The following CNOT2 variants were observed in gnomAD, a reference collection of about 807,000 sequenced individuals.
CNOT2 encodes the protein CC chemokine receptor 4-negative regulator of transcription 2.
In CNOT2, 7 loss-of-function variants were observed where a neutral mutation model predicts 72.1. The observed-to-expected ratio is 0.10, with a 90% CI of 0.06 to 0.18. The LOEUF (loss-of-function observed/expected upper bound fraction) is 0.18, where lower values mean the gene tolerates loss of function less well. CNOT2 is among the 10% of genes least tolerant of loss of function. CNOT2 has a pLI of 1.00. For synonymous variants in CNOT2, 196 were observed against 225.6 expected (o/e 0.87, Z 1.17); for missense variants, 345 against 660.3 (o/e 0.52, Z 5.23).
intron 1 of CNOT2, among the ~76,000 whole-genome samples, chr12:70,250,766 T>C (rs904562286): frequency 6.6e-6 from 1 of 152,114 alleles, no homozygotes; most frequent in African/African-American, 2.4e-5. Flanking sequence ...GGGTCAAGTT[T>C]TGTATGTTTG....
At chr12:70,287,665 C>G (rs1871141420) in intron 2 of CNOT2, among the ~76,000 whole-genome samples, 1 of 149,774 alleles carries the variant, frequency 6.7e-6, no homozygotes, top group South Asian at 2.2e-4. Flanking sequence ...TCATTTATCC[C>G]TTTGTTTAGA....
At chr12:70,305,810 G>A (rs1222005580) in intron 2 of CNOT2, among the ~76,000 whole-genome samples, 2 of 148,184 alleles carry the variant, frequency 1.3e-5, no homozygotes, top group East Asian at 4.0e-4. Context: ...CATTCATCCT[G>A]CCTGTATCAG....
intron 2 of CNOT2, among the ~76,000 whole-genome samples, chr12:70,294,794 C>T (rs957567081): frequency 2.0e-5 from 3 of 152,162 alleles, no homozygotes; most frequent in Non-Finnish European, 4.4e-5. Flanking sequence ...AAATTTCAAA[C>T]ATCTTTTTCC....
At chr12:70,293,274 C>T (rs1872243868) in intron 2 of CNOT2, among the ~76,000 whole-genome samples, 1 of 151,826 alleles carries the variant, frequency 6.6e-6, no homozygotes, top group Non-Finnish European at 1.5e-5. Context: ...GATTCTCCTG[C>T]CTCCGCCTCC....
At chr12:70,253,072 G>A (rs1383374690) in intron 1 of CNOT2, among the ~76,000 whole-genome samples, 1 of 152,206 alleles carries the variant, frequency 6.6e-6, no homozygotes, top group Non-Finnish European at 1.5e-5. Flanking sequence ...GAAGTAAGAT[G>A]TGTAATATTT....
chr12:70,346,131 A>G (rs763898749), intron 14 of CNOT2, 49 bp from the exon 15 acceptor site: 5 of 1,292,250 alleles, frequency 3.9e-6, no homozygotes, highest in Non-Finnish European at 5.5e-6. Context: ...AACATGTTTG[A>G]TGTAAGCCAC....
At chr12:70,264,613 G>A (rs1335000921) in intron 1 of CNOT2, among the ~76,000 whole-genome samples, 1 of 152,122 alleles carries the variant, frequency 6.6e-6, no homozygotes. Flanking sequence ...TTTTGAGGCT[G>A]GTGGCAGAAG....
intron 1 of CNOT2, among the ~76,000 whole-genome samples, chr12:70,252,692 C>T (rs141312540): frequency 6.6e-5 from 10 of 152,102 alleles, no homozygotes; most frequent in African/African-American, 2.2e-4. Flanking sequence ...ATGGAATCAC[C>T]GTTGTACTGT....
At chr12:70,303,711 C>T (rs1002517225) in intron 2 of CNOT2, among the ~76,000 whole-genome samples, 13 of 152,092 alleles carry the variant, frequency 8.5e-5, no homozygotes, top group African/African-American at 2.4e-4. Context: ...TTGCTCTTCT[C>T]GAGGAGTATC....
intron 15 of CNOT2, among the ~76,000 whole-genome samples, chr12:70,347,151 C>T (rs1177597435): frequency 6.6e-6 from 1 of 151,990 alleles, no homozygotes; most frequent in African/African-American, 2.4e-5. Flanking sequence ...TAAATTTAAA[C>T]AGCAGAAAAA....
intron 1 of CNOT2, among the ~76,000 whole-genome samples, chr12:70,277,477 A>G (rs989999074): frequency 1.3e-5 from 2 of 152,174 alleles, no homozygotes. Flanking sequence ...AATGTAAAAA[A>G]GTGAATTCCC....
intron 1 of CNOT2, among the ~76,000 whole-genome samples, chr12:70,276,487 A>G (rs1868832964): frequency 1.3e-5 from 2 of 152,010 alleles, no homozygotes; most frequent in African/African-American, 2.4e-5. Context: ...ACAATTTAAT[A>G]TTATACAACA....
chr12:70,255,765 CAGTT>C (rs961915778), intron 1 of CNOT2, among the ~76,000 whole-genome samples: 4 of 152,152 alleles, frequency 2.6e-5, no homozygotes, highest in African/African-American at 7.2e-5. Flanking sequence ...CCTAAATCCT[CAGTT>C]AGTTTGCTAT....
At chr12:70,287,814 C>T (rs2135849996) in intron 2 of CNOT2, among the ~76,000 whole-genome samples, 1 of 149,552 alleles carries the variant, frequency 6.7e-6, no homozygotes, top group East Asian at 2.0e-4. Context: ...GCCTTGTTTC[C>T]TTGTGTGTAT....
Position 70,354,202 on chromosome 12 carries a change from A to G in CNOT2, c.*287A>G. 1 of 375,604 alleles carries G rather than the reference A, an allele frequency of 2.7e-6. No homozygotes were observed. Among genetic ancestry groups the G allele is most frequent in the Non-Finnish European group, 4.6e-6 (1 of 219,076 alleles). 23.3% of individuals were successfully genotyped at this position (375,604 alleles called of 1,614,324 possible). A position where few individuals can be genotyped will look rare whatever the true frequency, so the allele number is the denominator to read the frequency against. On this transcript the variant is annotated 3_prime_UTR_variant, in exon 16 of 16. Coordinates refer to ENST00000229195, the MANE Select transcript of CNOT2 (RefSeq NM_014515.7). ...AGCAGACAGACTTGAGTCTGTAAAG[A>G]CAAGCAAATACACTGACAGAAGTTT... is the stretch of plus-strand genomic sequence containing the variant.
At chr12:70,249,028 A>G (rs879476894) in intron 1 of CNOT2, among the ~76,000 whole-genome samples, 7 of 152,020 alleles carry the variant, frequency 4.6e-5, no homozygotes, top group African/African-American at 7.2e-5. Context: ...TTGATATACT[A>G]TTTTTCCATT....
At chr12:70,319,610 G>T (rs1877942194) in intron 4 of CNOT2, among the ~76,000 whole-genome samples, 1 of 151,600 alleles carries the variant, frequency 6.6e-6, no homozygotes, top group South Asian at 2.1e-4. Flanking sequence ...TTTTACATCT[G>T]TAAATTTTTT....
chr12:70,310,550 AT>A (rs1048068167), intron 2 of CNOT2, among the ~76,000 whole-genome samples: 45 of 152,216 alleles, frequency 3.0e-4, no homozygotes, highest in African/African-American at 1.0e-3. Flanking sequence ...GCATGTGAAG[AT>A]TTTGAATAAT....
intron 3 of CNOT2, among the ~76,000 whole-genome samples, chr12:70,314,282 T>C (rs534672228): frequency 3.3e-5 from 5 of 152,180 alleles, no homozygotes; most frequent in African/African-American, 4.8e-5. Flanking sequence ...TATGTAAGTT[T>C]TTATGTCAGC....
Sources: allele counts gnomAD v4.1 joint callset (sites outside exome capture counted in the v4.1 genomes callset), GRCh38; gene constraint gnomAD v4.1.1; transcripts MANE v1.5; gene names NCBI Gene and HGNC (gene_info 2026-07-23, HGNC 2026-07-21).